PHLPP1: variants seen among roughly 807,000 people sequenced by gnomAD.
PHLPP1 encodes the protein PH domain leucine-rich repeat-containing protein phosphatase 1.
Under a neutral mutation model 117.2 loss-of-function variants are expected in PHLPP1, and 42 were observed. The ratio of observed to expected loss-of-function variants is 0.36; its 90% CI spans 0.28 to 0.46. The LOEUF is 0.46. Among genes scored for constraint, PHLPP1 ranks in the 20% least tolerant of loss-of-function variants. The pLI is 1.00. For synonymous variants in PHLPP1, 1,042 were observed against 970.7 expected, an observed-to-expected ratio of 1.07 and a Z score of -1.37; for missense variants, 2,084 against 2,241.9, an observed-to-expected ratio of 0.93 and a Z score of 1.42.
intron 1 of PHLPP1, among the ~76,000 whole-genome samples, chr18:62,760,302 C>T (rs1912175509): frequency 6.6e-6 from 1 of 152,184 alleles, no homozygotes; most frequent in Non-Finnish European, 1.5e-5. Context: ...CTCCTGTTCC[C>T]AGTCCCGTTG....
In PHLPP1 at chr18:62,863,874, C is replaced by T. The variant is rs796204044; in HGVS notation, c.2066+3273C>T. ...CATCCTGTGAGTAAGAATGCCTAAC[C>T]TCCTGGGAATGCAGCCCAGTAGGGG... On this transcript the variant is annotated intron_variant, in intron 4 of 16. Transcript: ENST00000262719. Among the ~76,000 whole-genome samples, 5 of 152,142 alleles carry T rather than the reference C, an allele frequency of 3.3e-5. 1 individual carries two copies. In the South Asian group the frequency reaches 8.3e-4, roughly 25 times the overall value.
intron 12 of PHLPP1, among the ~76,000 whole-genome samples, chr18:62,955,008 T>C (rs916792097): frequency 3.3e-5 from 5 of 152,188 alleles, no homozygotes; most frequent in Admixed American, 1.3e-4. Flanking sequence ...TAGGAGGCCA[T>C]AGTCTCATGG....
At chr18:62,765,635 A>G (rs1446702891) in intron 1 of PHLPP1, among the ~76,000 whole-genome samples, 2 of 152,184 alleles carry the variant, frequency 1.3e-5, no homozygotes, top group East Asian at 3.9e-4. Flanking sequence ...AAGTAGATCT[A>G]CAGGGTAAAG....
chr18:62,863,715 A>G (rs1741666771), intron 4 of PHLPP1, among the ~76,000 whole-genome samples: 1 of 152,192 alleles, frequency 6.6e-6, no homozygotes, highest in Admixed American at 6.5e-5. Context: ...TCAGCATACA[A>G]TGAGCCGTGA....
At chr18:62,928,698 G>T (rs776607377) in intron 10 of PHLPP1, among the ~76,000 whole-genome samples, 1 of 152,152 alleles carries the variant, frequency 6.6e-6, no homozygotes, top group African/African-American at 2.4e-5. Flanking sequence ...CACCAAACTT[G>T]TATATGAATG....
At chr18:62,966,216 A>G (rs1297468354) in intron 14 of PHLPP1, among the ~76,000 whole-genome samples, 1 of 152,128 alleles carries the variant, frequency 6.6e-6, no homozygotes, top group Non-Finnish European at 1.5e-5. Context: ...ACTTAGAACA[A>G]TGTATGCCAT....
rs1296093652 is a variant in PHLPP1 at position 62,905,269 on chromosome 18, A to G, written c.2693A>G (p.Tyr898Cys). The G allele has an allele frequency of 8.6e-6, 13 of 1,518,522 alleles. No homozygotes were observed. Among genetic ancestry groups the G allele is most frequent in the Non-Finnish European group, 1.1e-5 (12 of 1,131,918 alleles). 94.1% of individuals were successfully genotyped at this position (1,518,522 alleles called of 1,614,324 possible). A position where few individuals can be genotyped will look rare whatever the true frequency, so the allele number is the denominator to read the frequency against. The change falls in exon 8 of 17, where the codon TAC (tyrosine) becomes TGC (cysteine). Residue 898 changes from tyrosine to cysteine, a missense_variant. Transcript: ENST00000262719. ...TACCCAGTTCCAAATTATCTGTCCTACATGGATGTTTCAAGGTAAGAAGTC... is the reference window on the plus strand; with the variant it reads ...TACCCAGTTCCAAATTATCTGTCCTGCATGGATGTTTCAAGGTAAGAAGTC... Reference protein sequence around the residue: ...DVYPVPNYLSYMDVSRNRLEN... With the variant: ...DVYPVPNYLSCMDVSRNRLEN...
chr18:62,779,746 A>G (rs1016786719), intron 1 of PHLPP1, among the ~76,000 whole-genome samples: 1 of 152,180 alleles, frequency 6.6e-6, no homozygotes, highest in Admixed American at 6.5e-5. Context: ...CATCATATCA[A>G]TTCTTTAATG....
chr18:62,897,902 T>G (rs1480365373), intron 6 of PHLPP1, among the ~76,000 whole-genome samples: 1 of 152,150 alleles, frequency 6.6e-6, no homozygotes, highest in African/African-American at 2.4e-5. Context: ...TTATTCAATT[T>G]TTTTTCCCTT....
chr18:62,871,702 T>C (rs1039441604), intron 4 of PHLPP1, among the ~76,000 whole-genome samples: 1 of 149,352 alleles, frequency 6.7e-6, no homozygotes, highest in South Asian at 2.1e-4. Context: ...TGGAGTACAG[T>C]GGCGTGATCT....
At position 62,716,374 on chromosome 18, in the gene PHLPP1, G is replaced by A. The variant is rs1289838010; in HGVS notation, c.691G>A (p.Ala231Thr). Residue 231 changes from alanine (A) to threonine (T), a missense_variant, in exon 1 of 17, where the codon GCC (alanine) becomes ACC (threonine). Transcript: ENST00000262719. This position sits in a 1 kb window ranked among gnomAD's most constrained non-coding sequence, Gnocchi z 5.7. ...ACTGGACACCACGGCCGGCGAGGTGGCCGCCCGCCTGCTGCAGCTGGGCCA... is the reference window on the plus strand; with the variant it reads ...ACTGGACACCACGGCCGGCGAGGTGACCGCCCGCCTGCTGCAGCTGGGCCA... Reference protein sequence around the residue: ...CTLDTTAGEVAARLLQLGHKG... With the variant: ...CTLDTTAGEVTARLLQLGHKG... 1.4e-6 allele frequency: 2 copies of A among 1,469,556 alleles called. No homozygotes were observed. The highest frequency in any genetic ancestry group is 1.3e-5 in the South Asian group (1 of 74,790). The allele number at this position is 1,469,556 out of a possible 1,614,324, so 91.0% of individuals were successfully genotyped here.
chr18:62,876,075 TG>T (rs1399956364), intron 4 of PHLPP1, among the ~76,000 whole-genome samples: 1 of 152,176 alleles, frequency 6.6e-6, no homozygotes, highest in African/African-American at 2.4e-5. Flanking sequence ...AATTTATCAT[TG>T]TATTTCTCTT....
chr18:62,919,628 A>G (rs1301040204), intron 9 of PHLPP1, among the ~76,000 whole-genome samples: 1 of 152,248 alleles, frequency 6.6e-6, no homozygotes, highest in Admixed American at 6.5e-5. Context: ...CTGGGACAAT[A>G]CAAGATACAA....
At chr18:62,844,471 C>T (rs1316218913) in intron 3 of PHLPP1, among the ~76,000 whole-genome samples, 1 of 151,960 alleles carries the variant, frequency 6.6e-6, no homozygotes, top group Non-Finnish European at 1.5e-5. Flanking sequence ...ATCAAATATT[C>T]TGAAGTAGAG....
At chr18:62,764,410 G>C (rs1343095915) in intron 1 of PHLPP1, among the ~76,000 whole-genome samples, 1 of 151,950 alleles carries the variant, frequency 6.6e-6, no homozygotes, top group Admixed American at 6.6e-5. Context: ...TATGTCCTAT[G>C]GTTCTTGGGG....
chr18:62,716,057 G>A lies in PHLPP1; in HGVS notation c.374G>A (p.Arg125Gln). 2 of 1,476,640 alleles carry A rather than the reference G, an allele frequency of 1.4e-6. No individual in the cohort carries two copies. The highest frequency in any genetic ancestry group is 1.8e-6 in the Non-Finnish European group (2 of 1,123,070). 91.5% of individuals were successfully genotyped at this position (1,476,640 alleles called of 1,614,324 possible). A position where few individuals can be genotyped will look rare whatever the true frequency, so the allele number is the denominator to read the frequency against. Residue 125 changes from arginine to glutamine, a missense_variant, in exon 1 of 17, where the codon CGG (arginine) becomes CAG (glutamine). Transcript: ENST00000262719. This position sits in a 1 kb window ranked among gnomAD's most constrained non-coding sequence, Gnocchi z 5.7. ...GANSLLLRRGRLKRNLSAAAA... is the reference protein window; with the variant it reads ...GANSLLLRRGQLKRNLSAAAA... ...AACTCCCTCCTGCTGAGGAGAGGGCGGCTGAAGAGGAATCTGTCCGCGGCC... is the reference window on the plus strand; with the variant it reads ...AACTCCCTCCTGCTGAGGAGAGGGCAGCTGAAGAGGAATCTGTCCGCGGCC...
chr18:62,737,927 G>T (rs1356858847), intron 1 of PHLPP1, among the ~76,000 whole-genome samples: 5 of 152,080 alleles, frequency 3.3e-5, no homozygotes, highest in African/African-American at 4.8e-5. Context: ...GGCAGTTCAG[G>T]ATTTTTTATT....
At chr18:62,790,769 T>A (rs1401322886) in intron 1 of PHLPP1, among the ~76,000 whole-genome samples, 1 of 152,004 alleles carries the variant, frequency 6.6e-6, no homozygotes. Context: ...TTGCCGTTAG[T>A]TGAGTGGGAG....
In PHLPP1 at chr18:62,880,212, T is replaced by G. The variant is rs1216235255; in HGVS notation, c.2067-14799T>G. Among the ~76,000 whole-genome samples, 3 of 152,222 alleles carry G rather than the reference T, an allele frequency of 2.0e-5. No homozygotes were observed. The East Asian group carries it at 5.8e-4, about 29-fold the overall frequency. ...GAAACTTTTGGGTGTTAGGGTTTTT[T>G]TTTTTTCCCCATTTAGCTGTGAGAT... On this transcript the variant is annotated intron_variant, in intron 4 of 16. Transcript: ENST00000262719.
Sources: gnomAD v4.1 joint callset for allele counts (sites outside exome capture counted in the v4.1 genomes callset) on GRCh38, gnomAD v4.1.1 for gene constraint, Gnocchi (gnomAD v3.1) non-coding constraint, MANE v1.5 for transcripts, NCBI Gene and HGNC (gene_info 2026-07-23, HGNC 2026-07-21) for gene names.